NCOA1: variants seen among roughly 807,000 people sequenced by gnomAD.
The protein encoded by NCOA1 is nuclear receptor coactivator 1, also known as Hin-2 protein.
Under a neutral mutation model 150.9 loss-of-function variants are expected in NCOA1, and 35 were observed. That is an observed-to-expected ratio of 0.23 (90% CI 0.18 to 0.31). The LOEUF (loss-of-function observed/expected upper bound fraction) is 0.31. Among genes scored for constraint, NCOA1 ranks in the 10% least tolerant of loss-of-function variants. NCOA1 has a pLI of 1.00. For synonymous variants in NCOA1, 590 were observed against 630.0 expected, an observed-to-expected ratio of 0.94 and a Z score of 0.95; for missense variants, 1,491 against 1,749.3, an observed-to-expected ratio of 0.85 and a Z score of 2.63.
chr2:24,647,587 AAAT>A (rs1454960656), intron 4 of NCOA1, among the ~76,000 whole-genome samples: 3 of 152,210 alleles, frequency 2.0e-5, no homozygotes, highest in East Asian at 1.9e-4. Flanking sequence ...GTCAAAATGG[AAAT>A]AATAATGTAT....
intron 1 of NCOA1, among the ~76,000 whole-genome samples, chr2:24,498,868 G>A (rs1663336096): frequency 6.6e-6 from 1 of 151,830 alleles, no homozygotes; most frequent in Non-Finnish European, 1.5e-5. Flanking sequence ...TTTTGTTTTT[G>A]AAATGATTCC....
chr2:24,648,640 G>A (rs1264944341), intron 4 of NCOA1, among the ~76,000 whole-genome samples: 1 of 152,062 alleles, frequency 6.6e-6, no homozygotes, highest in Non-Finnish European at 1.5e-5. Flanking sequence ...TTAACCGGAG[G>A]TTTGTCTGAC....
chr2:24,679,128 G>A (rs1011278880), intron 7 of NCOA1, among the ~76,000 whole-genome samples: 4 of 152,188 alleles, frequency 2.6e-5, no homozygotes, highest in Non-Finnish European at 5.9e-5. Context: ...TGTGACACAC[G>A]GTGGTCTTCT....
At chr2:24,635,830 A>G (rs1231061304) in intron 3 of NCOA1, among the ~76,000 whole-genome samples, 1 of 152,170 alleles carries the variant, frequency 6.6e-6, no homozygotes, top group Non-Finnish European at 1.5e-5. Context: ...AAGAGCTGGA[A>G]GTTTAAGTTT....
chr2:24,640,917 T>C (rs1481171533), intron 3 of NCOA1, among the ~76,000 whole-genome samples: 1 of 152,148 alleles, frequency 6.6e-6, no homozygotes, highest in Non-Finnish European at 1.5e-5. Flanking sequence ...TTGTAATGTT[T>C]AGTTATTTTA....
intron 3 of NCOA1, among the ~76,000 whole-genome samples, chr2:24,596,545 A>G (rs550645925): frequency 6.6e-5 from 10 of 152,118 alleles, no homozygotes; most frequent in Non-Finnish European, 1.5e-4. Context: ...CTATTTGATA[A>G]AGATTTGACT....
chr2:24,751,845 A>T, intron 19 of NCOA1, 137 bp from the exon 20 acceptor site: 1 of 832,672 alleles, frequency 1.2e-6, no homozygotes, highest in Non-Finnish European at 1.8e-6. Flanking sequence ...ATTTGTAAAT[A>T]TATTGCCTGA....
intron 20 of NCOA1, among the ~76,000 whole-genome samples, 164 bp downstream of exon 20, chr2:24,752,320 C>G (rs1311839335): frequency 1.3e-5 from 2 of 152,156 alleles, no homozygotes; most frequent in Non-Finnish European, 2.9e-5. Flanking sequence ...TCCCCGTTCC[C>G]CCGTTTATGT....
At chr2:24,763,913 C>G (rs973354544) in intron 22 of NCOA1, among the ~76,000 whole-genome samples, 1 of 152,122 alleles carries the variant, frequency 6.6e-6, no homozygotes, top group African/African-American at 2.4e-5. Context: ...TGAGCCACCA[C>G]GCCAGGCCAG....
intron 14 of NCOA1, 177 bp downstream of exon 14, chr2:24,711,288 A>T (rs1673736021): frequency 1.7e-6 from 1 of 571,706 alleles, no homozygotes; most frequent in South Asian, 3.2e-5. Context: ...CATCATGTGT[A>T]TTTTAAATTA....
Position 24,726,644 on chromosome 2 carries a change from A to G in NCOA1, c.2655A>G (p.Thr885=). Residue 885 remains threonine (T), a synonymous_variant, in exon 15 of 23, where the codon ACA becomes ACG. Transcript: ENST00000348332. ...AIDNQFGQPG[T]GDQIPWTNNT... is the part of the protein sequence containing the mutation. ...ATAACCAATTTGGACAACCAGGAAC[A>G]GGCGATCAGATTCCATGGACAAATA... 6.2e-7 allele frequency: 1 copy of G among 1,611,426 alleles called. No homozygotes were observed. The highest frequency in any genetic ancestry group is 1.7e-5 in the Admixed American group (1 of 59,632).
chr2:24,586,340 A>G (rs1667409010), intron 3 of NCOA1, among the ~76,000 whole-genome samples: 1 of 150,778 alleles, frequency 6.6e-6, no homozygotes, highest in Non-Finnish European at 1.5e-5. Context: ...GGTCCCAGCT[A>G]CTTGGGTGGC....
intron 16 of NCOA1, 51 bp from the exon 17 acceptor site, chr2:24,729,450 A>G (rs764247781): frequency 2.0e-6 from 3 of 1,500,466 alleles, no homozygotes; most frequent in Non-Finnish European, 2.8e-6. Context: ...GAAGCATGTT[A>G]CTTATTGGCA....
chr2:24,559,351 T>C (rs1480583115), intron 1 of NCOA1, among the ~76,000 whole-genome samples: 1 of 152,170 alleles, frequency 6.6e-6, no homozygotes, highest in Non-Finnish European at 1.5e-5. Context: ...TGCTGGTCCC[T>C]TGTGTTTAGA....
At chr2:24,669,198 G>T (rs1461018800) in intron 6 of NCOA1, among the ~76,000 whole-genome samples, 2 of 152,242 alleles carry the variant, frequency 1.3e-5, no homozygotes, top group East Asian at 3.9e-4. Context: ...TAGGATATAG[G>T]CTAGGTTAGT....
chr2:24,764,487 G>A (rs1664949633), intron 22 of NCOA1, among the ~76,000 whole-genome samples: 1 of 152,186 alleles, frequency 6.6e-6, no homozygotes, highest in African/African-American at 2.4e-5. Context: ...CAAGGCAAAG[G>A]GAAGGAAAAG....
rs190444753 is a variant in NCOA1 at position 24,700,097 on chromosome 2, C to T, written c.949+2299C>T. Among the ~76,000 whole-genome samples the T allele has an allele frequency of 2.3e-3, 341 of 151,268 alleles. 2 individuals carry two copies. Among genetic ancestry groups the T allele is most frequent in the African/African-American group, 7.5e-3 (308 of 41,300 alleles). ...GGTGGAGGTTGCGGTGAGCCAAGGT[C>T]GCACCATTGCACTCCAGCCTGGGCA... is the stretch of plus-strand genomic sequence containing the variant. On this transcript the variant is annotated intron_variant, in intron 11 of 22. Transcript: ENST00000348332.
chr2:24,578,107 T>C (rs1482001480), intron 2 of NCOA1, among the ~76,000 whole-genome samples: 2 of 152,148 alleles, frequency 1.3e-5, no homozygotes, highest in African/African-American at 2.4e-5. Context: ...TTTCTGATAC[T>C]TCTAGTTTCA....
intron 3 of NCOA1, among the ~76,000 whole-genome samples, chr2:24,591,882 T>C (rs1214421948): frequency 6.6e-6 from 1 of 152,170 alleles, no homozygotes; most frequent in Non-Finnish European, 1.5e-5. Flanking sequence ...GCTGTGGGGA[T>C]TTGATCTCTT....
Sources: gnomAD v4.1 joint callset for allele counts (sites outside exome capture counted in the v4.1 genomes callset) on GRCh38, gnomAD v4.1.1 for gene constraint, MANE v1.5 for transcripts, NCBI Gene and HGNC (gene_info 2026-07-23, HGNC 2026-07-21) for gene names.